Variants in ZNF423 observed in about 807,000 individuals in gnomAD.
ZNF423 encodes Ebf-associated zinc finger protein.
A neutral mutation model predicts 95.8 loss-of-function variants in ZNF423; 12 were observed. The observed-to-expected ratio is 0.13, with a 90% CI of 0.08 to 0.20. The LOEUF (loss-of-function observed/expected upper bound fraction) is 0.20, where lower values mean the gene tolerates loss of function less well. Among genes scored for constraint, ZNF423 ranks in the 10% least tolerant of loss-of-function variants. ZNF423 has a pLI of 1.00. For synonymous variants in ZNF423, 749 were observed against 711.9 expected, an observed-to-expected ratio of 1.05 and a Z score of -0.83; for missense variants, 1,316 against 1,737.1, an observed-to-expected ratio of 0.76 and a Z score of 4.31.
At position 49,637,288 on chromosome 16, in the gene ZNF423, C is replaced by A; in HGVS notation, c.1888G>T (p.Ala630Ser). The change falls in exon 4 of 8, where the codon GCA becomes TCA. Residue 630 changes from alanine (A) to serine (S), a missense_variant. Ala to Ser is a moderately conservative substitution (Grantham distance 99). This residue lies in a region of ZNF423 where 620 missense variants were observed against 775.6 expected (regional missense o/e 0.80). Transcript: ENST00000563137. The surrounding 1 kb of genome is among the most constrained non-coding windows in gnomAD (Gnocchi z 5.6). ...CCATTGGAGATGGAGTTGGCGCTTG[C>A]TGAGAGCCGCTGCCGCTTCGGGGAA... Reference protein sequence around the residue: ...VSSPKRQRLSASANSISNGEY... With the variant: ...VSSPKRQRLSSSANSISNGEY... 1 of 1,614,216 alleles carries A rather than the reference C, an allele frequency of 6.2e-7. No homozygotes were observed. The highest frequency in any genetic ancestry group is 8.5e-7 in the Non-Finnish European group (1 of 1,180,042).
chr16:49,839,092 C>T (rs1395420283), intron 1 of ZNF423, among the ~76,000 whole-genome samples: 2 of 150,974 alleles, frequency 1.3e-5, no homozygotes, highest in South Asian at 4.2e-4. Flanking sequence ...ACTGCCACCC[C>T]ACCCTGGATT....
intron 3 of ZNF423, among the ~76,000 whole-genome samples, chr16:49,681,636 G>T (rs990248643): frequency 6.6e-6 from 1 of 152,210 alleles, no homozygotes; most frequent in African/African-American, 2.4e-5. Context: ...CCCAGGCCTG[G>T]CCTGCCAGCA....
chr16:49,737,826 G>A (rs1279342603), intron 2 of ZNF423, among the ~76,000 whole-genome samples: 1 of 152,214 alleles, frequency 6.6e-6, no homozygotes, highest in East Asian at 1.9e-4. Context: ...TCGGCCCCTG[G>A]CCAGCACACG....
At chr16:49,585,108 T>C (rs1403202805) in intron 5 of ZNF423, among the ~76,000 whole-genome samples, 1 of 152,214 alleles carries the variant, frequency 6.6e-6, no homozygotes, top group Admixed American at 6.5e-5. Context: ...CCACCCTCTT[T>C]CTAAATTACC....
intron 1 of ZNF423, among the ~76,000 whole-genome samples, chr16:49,820,913 T>A (rs1386028681): frequency 6.6e-6 from 1 of 152,220 alleles, no homozygotes; most frequent in Non-Finnish European, 1.5e-5. Flanking sequence ...GTTCCATATG[T>A]CCACAAAATG....
chr16:49,496,713 C>T (rs59225626), intron 7 of ZNF423, among the ~76,000 whole-genome samples: 2,810 of 152,320 alleles, frequency 0.018, 89 homozygotes, highest in African/African-American at 0.065. Flanking sequence ...AGTCTGGCTA[C>T]GGCAAATGCT....
In ZNF423 at chr16:49,500,792, C is replaced by T. The variant is rs374092687; in HGVS notation, c.3850-9488G>A. Among the ~76,000 whole-genome samples the T allele has an allele frequency of 4.6e-5, 7 of 151,810 alleles. No individual in the cohort carries two copies. The South Asian group carries it at 1.3e-3, about 27-fold the overall frequency. ...GTGTGGTGGCGTGTGCCTGTAGTCC[C>T]AGCTACTCGGATGGCTGAGGCGGGA... On this transcript the variant is annotated intron_variant, in intron 7 of 7. Transcript: ENST00000563137.
At position 49,664,241 on chromosome 16, in the gene ZNF423, A is replaced by T. The variant is rs529452375; in HGVS notation, c.302-25367T>A. The T allele has an allele frequency of 8.7e-5, 86 of 985,470 alleles. No homozygotes were observed. In the African/African-American group the frequency reaches 1.4e-3, roughly 17 times the overall value. 61.0% of individuals were successfully genotyped at this position (985,470 alleles called of 1,614,324 possible). ...GCCCACTGGTGATCTCAGCCACGGG[A>T]CGCATCCCCACCCGGCCGCCTGGGC... On this transcript the variant is annotated intron_variant, in intron 3 of 7. Coordinates refer to ENST00000563137, the MANE Select transcript of ZNF423 (RefSeq NM_001379286.1).
intron 5 of ZNF423, among the ~76,000 whole-genome samples, chr16:49,616,356 T>C (rs1279560423): frequency 1.3e-5 from 2 of 152,064 alleles, no homozygotes; most frequent in African/African-American, 2.4e-5. Context: ...GAAGTGGGGA[T>C]GGTTAGTGGG....
chr16:49,824,726 G>C (rs2034987361), intron 1 of ZNF423, among the ~76,000 whole-genome samples: 1 of 152,060 alleles, frequency 6.6e-6, no homozygotes, highest in African/African-American at 2.4e-5. Context: ...AGCTTTTCTG[G>C]GTCTCACTCC....
At chr16:49,528,166 C>T (rs1421186499) in intron 5 of ZNF423, among the ~76,000 whole-genome samples, 6 of 152,116 alleles carry the variant, frequency 3.9e-5, no homozygotes, top group African/African-American at 7.2e-5. Context: ...CTGTGAATGG[C>T]GACGGGCCCA....
In ZNF423 at chr16:49,492,478, G is replaced by A. The variant is rs1313328678; in HGVS notation, c.3850-1174C>T. On this transcript the variant is annotated intron_variant, in intron 7 of 7. Coordinates refer to ENST00000563137, the MANE Select transcript of ZNF423 (RefSeq NM_001379286.1). This position sits in a 1 kb window ranked among gnomAD's most constrained non-coding sequence, Gnocchi z 4.2. ...TAGCCTCGCCCGGAGGCCGAGGCCG[G>A]GGCCGGGGCCGGGGCCGGGGCCGAG... Among the ~76,000 whole-genome samples the A allele has an allele frequency of 7.3e-6, 1 of 137,714 alleles. No individual in the cohort carries two copies. Among genetic ancestry groups the A allele is most frequent in the Non-Finnish European group, 1.5e-5 (1 of 67,410 alleles). The allele number at this position is 137,714 out of a possible 152,430, so 90.3% of individuals were successfully genotyped here. A position where few individuals can be genotyped will look rare whatever the true frequency, so the allele number is the denominator to read the frequency against.
At chr16:49,764,087 G>A (rs2033882022) in intron 2 of ZNF423, among the ~76,000 whole-genome samples, 1 of 152,216 alleles carries the variant, frequency 6.6e-6, no homozygotes, top group Non-Finnish European at 1.5e-5. Context: ...GAGGGAGGAG[G>A]TCGATGTACT....
chr16:49,838,022 C>T (rs1348317056), intron 1 of ZNF423, among the ~76,000 whole-genome samples: 3 of 152,238 alleles, frequency 2.0e-5, no homozygotes, highest in Non-Finnish European at 4.4e-5. Flanking sequence ...CCAGCACTAG[C>T]ATTTGGCCCA....
chr16:49,716,712 G>A (rs146125642), intron 3 of ZNF423, among the ~76,000 whole-genome samples: 7 of 152,034 alleles, frequency 4.6e-5, no homozygotes, highest in East Asian at 1.9e-4. Context: ...CCTGCTCCCC[G>A]GCTTTTGCTG....
intron 5 of ZNF423, among the ~76,000 whole-genome samples, chr16:49,600,940 T>G (rs1218122305): frequency 6.6e-6 from 1 of 152,154 alleles, no homozygotes; most frequent in Non-Finnish European, 1.5e-5. Context: ...GAGGGGGTTC[T>G]CGGGTGGATG....
chr16:49,818,178 A>G (rs553061964), intron 1 of ZNF423, among the ~76,000 whole-genome samples: 1 of 152,168 alleles, frequency 6.6e-6, no homozygotes, highest in East Asian at 1.9e-4. Flanking sequence ...GCCCCCCAGA[A>G]TGGATCGCAT....
intron 5 of ZNF423, among the ~76,000 whole-genome samples, chr16:49,541,029 C>G (rs776262431): frequency 6.6e-6 from 1 of 152,176 alleles, no homozygotes; most frequent in Non-Finnish European, 1.5e-5. Context: ...CCTCAGAACC[C>G]GGCTGAAGAA....
chr16:49,765,185 T>C (rs954355815), intron 2 of ZNF423, among the ~76,000 whole-genome samples: 1 of 152,068 alleles, frequency 6.6e-6, no homozygotes, highest in Non-Finnish European at 1.5e-5. Context: ...CCTTCTCTTT[T>C]ATTAAGTGAA....
Sources: gnomAD v4.1 joint callset for allele counts (sites outside exome capture counted in the v4.1 genomes callset) on GRCh38, gnomAD v4.1.1 for gene constraint, gnomAD v4.1.1 regional missense constraint, Gnocchi (gnomAD v3.1) non-coding constraint, MANE v1.5 for transcripts, NCBI Gene and HGNC (gene_info 2026-07-23, HGNC 2026-07-21) for gene names.